ROBO1: variants seen among roughly 807,000 people sequenced by gnomAD.
The protein encoded by ROBO1 is roundabout guidance receptor 1.
ROBO1 carries 149 observed loss-of-function variants against 195.9 expected under a neutral mutation model. That is an observed-to-expected ratio of 0.76 (90% CI 0.67 to 0.87). The LOEUF (loss-of-function observed/expected upper bound fraction) is 0.87, where lower values mean the gene tolerates loss of function less well. Ranked by LOEUF, ROBO1 falls within the 40% of genes least tolerant of loss-of-function variation. The pLI is 0.00. For synonymous variants in ROBO1, 816 were observed against 733.2 expected, an observed-to-expected ratio of 1.11 and a Z score of -1.82; for missense variants, 1,933 against 2,068.3, an observed-to-expected ratio of 0.93 and a Z score of 1.27.
chr3:78,781,107 T>A (rs189962291), intron 4 of ROBO1, among the ~76,000 whole-genome samples: 1 of 152,138 alleles, frequency 6.6e-6, no homozygotes, highest in Non-Finnish European at 1.5e-5. Flanking sequence ...ATCACTACTC[T>A]AAAACAACAA....
In ROBO1 at chr3:79,125,498, TTGGCGTCCCG is replaced by T. The variant is rs1277051881; in HGVS notation, c.120_129del (p.His40GlnfsTer35). 2 of 1,613,612 alleles carry T rather than the reference TTGGCGTCCCG, an allele frequency of 1.2e-6. No individual in the cohort carries two copies. Among genetic ancestry groups the T allele is most frequent in the Non-Finnish European group, 1.7e-6 (2 of 1,179,780 alleles). ...TTGTCATCGTTATCAGAGGTGGGGATTGGCGTCCCGTGGTCGTTCCCCCTCTCTACATCTT... is the reference window on the plus strand; with the variant it reads ...TTGTCATCGTTATCAGAGGTGGGGATTGGTCGTTCCCCCTCTCTACATCTT... On this transcript the variant is annotated frameshift_variant, in exon 3 of 31. Transcript: ENST00000464233. LOFTEE classifies it high-confidence loss of function.
At chr3:79,300,713 C>T (rs2109058880) in intron 2 of ROBO1, among the ~76,000 whole-genome samples, 1 of 152,314 alleles carries the variant, frequency 6.6e-6, no homozygotes, top group South Asian at 2.1e-4. Flanking sequence ...ACCTTTATGT[C>T]TAGCTCAGGG....
At chr3:79,028,190 G>A (rs1576587949) in intron 3 of ROBO1, among the ~76,000 whole-genome samples, 2 of 151,856 alleles carry the variant, frequency 1.3e-5, no homozygotes, top group East Asian at 1.9e-4. Context: ...TTTGGAAACT[G>A]CCAGCAAAAG....
intron 2 of ROBO1, among the ~76,000 whole-genome samples, chr3:79,566,522 A>G (rs925849868): frequency 6.6e-6 from 1 of 152,182 alleles, no homozygotes; most frequent in Admixed American, 6.6e-5. Flanking sequence ...CACTTAAAAA[A>G]GTCTTTTAAA....
At chr3:79,551,991 A>C (rs1038054325) in intron 2 of ROBO1, among the ~76,000 whole-genome samples, 20 of 131,256 alleles carry the variant, frequency 1.5e-4, no homozygotes, top group Middle Eastern at 4.0e-3. Context: ...AAAAAAAAAA[A>C]AAAAAAAAAA....
intron 2 of ROBO1, among the ~76,000 whole-genome samples, chr3:79,225,653 C>T (rs1407681351): frequency 1.3e-5 from 2 of 152,128 alleles, no homozygotes; most frequent in South Asian, 2.1e-4. Context: ...TGGGTTGGTT[C>T]CTCCACAGTC....
At chr3:78,647,944 G>A (rs955124757) in intron 19 of ROBO1, among the ~76,000 whole-genome samples, 42 of 152,060 alleles carry the variant, frequency 2.8e-4, no homozygotes, top group African/African-American at 9.7e-4. Context: ...GATTTAGCTC[G>A]TGGCTTTCGT....
chr3:79,122,056 T>A (rs575768614), intron 3 of ROBO1, among the ~76,000 whole-genome samples: 60 of 152,166 alleles, frequency 3.9e-4, no homozygotes, highest in African/African-American at 1.4e-3. Context: ...AAACACTATA[T>A]GCACTTCCAG....
intron 2 of ROBO1, among the ~76,000 whole-genome samples, chr3:79,461,322 A>T (rs1937627765): frequency 6.6e-6 from 1 of 152,068 alleles, no homozygotes; most frequent in African/African-American, 2.4e-5. Context: ...GAAATCTGGG[A>T]CTACTCCTGA....
chr3:79,483,940 A>C (rs1939006697), intron 2 of ROBO1, among the ~76,000 whole-genome samples: 1 of 152,144 alleles, frequency 6.6e-6, no homozygotes, highest in Non-Finnish European at 1.5e-5. Context: ...GTTGAAAAGA[A>C]AAGCGTGGGT....
intron 2 of ROBO1, among the ~76,000 whole-genome samples, chr3:79,246,592 C>T (rs924322614): frequency 2.6e-5 from 4 of 152,028 alleles, no homozygotes; most frequent in Non-Finnish European, 5.9e-5. Context: ...TGGTCTGTAT[C>T]GTGCAGCTCT....
At chr3:79,615,034 A>T (rs774367248) in intron 1 of ROBO1, among the ~76,000 whole-genome samples, 1 of 152,162 alleles carries the variant, frequency 6.6e-6, no homozygotes, top group Non-Finnish European at 1.5e-5. Context: ...GGGAATTCCA[A>T]AAATAACCTG....
intron 4 of ROBO1, among the ~76,000 whole-genome samples, chr3:78,887,963 C>T (rs1484288589): frequency 6.6e-6 from 1 of 152,136 alleles, no homozygotes. Context: ...GAAAAAAAAC[C>T]TTTCCAGAAA....
chr3:79,068,460 T>C (rs2079037254), intron 3 of ROBO1, among the ~76,000 whole-genome samples: 1 of 151,918 alleles, frequency 6.6e-6, no homozygotes, highest in South Asian at 2.1e-4. Flanking sequence ...GTTCAAAGTA[T>C]CTTCGATTTG....
intron 1 of ROBO1, among the ~76,000 whole-genome samples, chr3:79,711,928 T>TGGGGGGGGGAGCACTATGAACG (rs201361807): frequency 6.7e-5 from 1 of 14,936 alleles, no homozygotes; most frequent in African/African-American, 1.6e-4. Flanking sequence ...GATGGGCGGG[T>TGGGGGGGGGAGCACTATGAACG]GGGTGGGGGA....
chr3:78,742,796 A>G (rs2082564017), intron 5 of ROBO1, among the ~76,000 whole-genome samples: 1 of 152,160 alleles, frequency 6.6e-6, no homozygotes, highest in African/African-American at 2.4e-5. Context: ...ACAACTTTAA[A>G]CTGTTTGATT....
intron 2 of ROBO1, among the ~76,000 whole-genome samples, chr3:79,205,370 A>T (rs908955062): frequency 1.1e-4 from 16 of 152,120 alleles, no homozygotes; most frequent in African/African-American, 3.9e-4. Context: ...ATAAACTGTA[A>T]GATTTTGGAT....
chr3:79,317,533 T>A (rs1039802627), intron 2 of ROBO1, among the ~76,000 whole-genome samples: 6 of 152,120 alleles, frequency 3.9e-5, no homozygotes, highest in Non-Finnish European at 8.8e-5. Context: ...TGAAAAAAAA[T>A]ATTTTTTATT....
intron 5 of ROBO1, among the ~76,000 whole-genome samples, chr3:78,745,663 G>A (rs2082640685): frequency 1.3e-5 from 2 of 152,224 alleles, no homozygotes; most frequent in East Asian, 1.9e-4. Context: ...CCTCTTATGA[G>A]CAGAACCATG....
Sources: gnomAD v4.1 joint callset for allele counts (sites outside exome capture counted in the v4.1 genomes callset) on GRCh38, gnomAD v4.1.1 for gene constraint, MANE v1.5 for transcripts, NCBI Gene and HGNC (gene_info 2026-07-23, HGNC 2026-07-21) for gene names.